The following SYT2 variants were observed in gnomAD, a reference collection of about 807,000 sequenced individuals.
SYT2 encodes the protein synaptotagmin 2.
In SYT2, 15 loss-of-function variants were observed where a neutral mutation model predicts 39.9. That is an observed-to-expected ratio of 0.38 (90% CI 0.25 to 0.58). SYT2 has a LOEUF of 0.58. Among genes scored for constraint, SYT2 ranks in the 20% least tolerant of loss-of-function variants. The pLI is 0.70. For synonymous variants in SYT2, 181 were observed against 204.5 expected, an observed-to-expected ratio of 0.89 and a Z score of 0.98; for missense variants, 389 against 530.3, an observed-to-expected ratio of 0.73 and a Z score of 2.62.
intron 1 of SYT2, among the ~76,000 whole-genome samples, chr1:202,606,654 G>T (rs1001325132): frequency 7.9e-5 from 12 of 152,072 alleles, no homozygotes; most frequent in Admixed American, 7.2e-4. Flanking sequence ...CTACTCTGTG[G>T]CCCCTACTCC....
chr1:202,676,986 G>A (rs1163136543), intron 1 of SYT2, among the ~76,000 whole-genome samples: 2 of 152,158 alleles, frequency 1.3e-5, no homozygotes. Flanking sequence ...GTTTGAAAGA[G>A]TGTAGCACTT....
chr1:202,686,773 C>G (rs1431716160), intron 1 of SYT2, among the ~76,000 whole-genome samples: 1 of 152,194 alleles, frequency 6.6e-6, no homozygotes, highest in African/African-American at 2.4e-5. Context: ...AAAGGCACGC[C>G]CCTCTGCCAG....
chr1:202,659,779 C>A (rs910278096), intron 1 of SYT2, among the ~76,000 whole-genome samples: 1 of 152,178 alleles, frequency 6.6e-6, no homozygotes, highest in African/African-American at 2.4e-5. Context: ...CATAGCCGAG[C>A]CAATCTGGGT....
chr1:202,688,373 G>A (rs1463417114), intron 1 of SYT2, among the ~76,000 whole-genome samples: 2 of 152,194 alleles, frequency 1.3e-5, no homozygotes, highest in African/African-American at 2.4e-5. Flanking sequence ...TCCTGCCCCC[G>A]TGGGCGGCAC....
chr1:202,627,517 G>A (rs1026358766), intron 1 of SYT2: 64 of 985,114 alleles, frequency 6.5e-5, no homozygotes, highest in African/African-American at 6.1e-4. Context: ...GGGTGTGGAC[G>A]GGCAGGCGCA....
chr1:202,662,219 A>T (rs958962323), intron 1 of SYT2, among the ~76,000 whole-genome samples: 2 of 152,224 alleles, frequency 1.3e-5, no homozygotes, highest in African/African-American at 4.8e-5. Flanking sequence ...AAGCGGCAAG[A>T]GGCATAGTGT....
intron 1 of SYT2, among the ~76,000 whole-genome samples, chr1:202,643,773 G>T (rs1401738359): frequency 6.6e-6 from 1 of 152,062 alleles, no homozygotes; most frequent in African/African-American, 2.4e-5. Flanking sequence ...AGAAGTTTGA[G>T]GAGGGCGGGG....
In SYT2 at chr1:202,591,776, C is replaced by T. The variant is rs1355809405; in HGVS notation, c.*4981G>A. On this transcript the variant is annotated 3_prime_UTR_variant, in exon 9 of 9. Transcript: ENST00000367268. ...AGTAAGCAGGGATGGTTCTGTCATC[C>T]CTGGCTGAGCTGCTGACTGGCTGCT... The T allele has an allele frequency of 6.5e-6, 1 of 152,770 alleles. No homozygotes were observed. The allele number at this position is 152,770 out of a possible 1,614,324, so 9.5% of individuals were successfully genotyped here. A position where few individuals can be genotyped will look rare whatever the true frequency, so the allele number is the denominator to read the frequency against.
intron 3 of SYT2, 78 bp downstream of exon 3, chr1:202,604,377 G>A: frequency 6.8e-7 from 1 of 1,465,232 alleles, no homozygotes; most frequent in Non-Finnish European, 9.4e-7. Context: ...AAGCCCAGGA[G>A]CCTTTGCTTC....
chr1:202,661,924 C>T (rs907594865), intron 1 of SYT2, among the ~76,000 whole-genome samples: 3 of 152,166 alleles, frequency 2.0e-5, no homozygotes, highest in Non-Finnish European at 4.4e-5. Context: ...GAGAGTCCAC[C>T]AGGTACCAGG....
rs774920764 is a variant in SYT2 at position 202,599,391 on chromosome 1, A to C, written c.920-40T>G. The C allele has an allele frequency of 1.3e-6, 2 of 1,553,036 alleles. No homozygotes were observed. Among genetic ancestry groups the C allele is most frequent in the Non-Finnish European group, 1.7e-6 (2 of 1,157,696 alleles). ...TCCCAACCCCAGAGAGGTTCCCCTTAGCCCCCAGCCTTCCTGCCGAATGTA... is the reference window on the plus strand; with the variant it reads ...TCCCAACCCCAGAGAGGTTCCCCTTCGCCCCCAGCCTTCCTGCCGAATGTA... On this transcript the variant is annotated intron_variant, in intron 7 of 8. Coordinates refer to ENST00000367268, the MANE Select transcript of SYT2 (RefSeq NM_177402.5). The surrounding 1 kb of genome is among the most constrained non-coding windows in gnomAD (Gnocchi z 4.4).
rs1558430122 is a variant in SYT2 at position 202,613,067 on chromosome 1, CCTTTTTTTTT to C, written c.-17-7288_-17-7279del. Among the ~76,000 whole-genome samples, 116 of 121,624 alleles carry C rather than the reference CCTTTTTTTTT, an allele frequency of 9.5e-4. 4 individuals are homozygous for C. Among genetic ancestry groups the C allele is most frequent in the Non-Finnish European group, 1.1e-3 (68 of 59,930 alleles). The allele number at this position is 121,624 out of a possible 152,430, so 79.8% of individuals were successfully genotyped here. The stretch of plus-strand genomic sequence containing the variant: ...CACATTGCCGAACTCATTGGTTCTT[CCTTTTTTTTT>C]TTTTTTTTTTTTTTTTTTTTCCAGA... On this transcript the variant is annotated intron_variant, in intron 1 of 8. Transcript: ENST00000367268.
chr1:202,665,920 G>T lies in SYT2; in HGVS notation c.-18+44338C>A, dbSNP rs371358379. On this transcript the variant is annotated intron_variant, in intron 1 of 8. Transcript: ENST00000367268. Reference sequence around the variant, plus strand: ...TGTAATCCCAGCACTTTGGGAGGCCGAGGCAGGCGGATCACAAGGTCAGGA... The same window carrying T: ...TGTAATCCCAGCACTTTGGGAGGCCTAGGCAGGCGGATCACAAGGTCAGGA... 1.2e-4 allele frequency among the ~76,000 whole-genome samples: 18 copies of T among 152,214 alleles called. 1 individual carries two copies. Among genetic ancestry groups the T allele is most frequent in the Admixed American group, 7.8e-4 (12 of 15,294 alleles).
At chr1:202,667,493 G>GTA (rs1437593553) in intron 1 of SYT2, among the ~76,000 whole-genome samples, 2 of 145,506 alleles carry the variant, frequency 1.4e-5, no homozygotes, top group African/African-American at 5.1e-5. Flanking sequence ...GTGTGTGTGT[G>GTA]TGTGTGTGTG....
intron 1 of SYT2, among the ~76,000 whole-genome samples, chr1:202,634,202 TAATATA>T (rs1691676520): frequency 6.6e-6 from 1 of 152,216 alleles, no homozygotes; most frequent in Non-Finnish European, 1.5e-5. Context: ...CAGAGCCTAG[TAATATA>T]AATATACCAT....
At chr1:202,701,884 G>A (rs1654131259) in intron 1 of SYT2, among the ~76,000 whole-genome samples, 1 of 152,204 alleles carries the variant, frequency 6.6e-6, no homozygotes, top group Admixed American at 6.5e-5. Context: ...CCGAAGTTCA[G>A]AAAGTTTAAG....
intron 1 of SYT2, among the ~76,000 whole-genome samples, chr1:202,683,915 T>C (rs1653592114): frequency 6.6e-6 from 1 of 152,116 alleles, no homozygotes; most frequent in Non-Finnish European, 1.5e-5. Context: ...TGGCTGAAGG[T>C]TACCCAGGTG....
intron 1 of SYT2, among the ~76,000 whole-genome samples, chr1:202,672,545 T>A (rs1692613137): frequency 6.6e-6 from 1 of 151,424 alleles, no homozygotes; most frequent in Non-Finnish European, 1.5e-5. Context: ...ATGGTAAGAT[T>A]GTATGTTATT....
chr1:202,621,941 C>T (rs1391744841), intron 1 of SYT2, among the ~76,000 whole-genome samples: 1 of 152,214 alleles, frequency 6.6e-6, no homozygotes, highest in African/African-American at 2.4e-5. Context: ...TGTGTGCACA[C>T]ATGTACATAC....
Sources: gnomAD v4.1 joint callset for allele counts (sites outside exome capture counted in the v4.1 genomes callset) on GRCh38, gnomAD v4.1.1 for gene constraint, Gnocchi (gnomAD v3.1) non-coding constraint, MANE v1.5 for transcripts, NCBI Gene and HGNC (gene_info 2026-07-23, HGNC 2026-07-21) for gene names.